The following CACNA1H variants were observed in gnomAD, a reference collection of about 807,000 sequenced individuals.
CACNA1H encodes the protein voltage-dependent T-type calcium channel subunit alpha-1H.
In CACNA1H, 149 loss-of-function variants were observed where a neutral mutation model predicts 192.5. The observed-to-expected ratio is 0.77, with a 90% CI of 0.68 to 0.89. The LOEUF is 0.89. Ranked by LOEUF, CACNA1H falls within the 40% of genes least tolerant of loss-of-function variation. The pLI, the probability that CACNA1H is intolerant of heterozygous loss-of-function variation, is 0.00. For missense variants in CACNA1H, 4,257 were observed against 3,423.5 expected, an observed-to-expected ratio of 1.24 and a Z score of -6.08; for synonymous variants, 2,202 against 1,475.2, an observed-to-expected ratio of 1.49 and a Z score of -11.29.
At chr16:1,170,039 A>G (rs1416795845) in intron 2 of CACNA1H, among the ~76,000 whole-genome samples, 1 of 152,206 alleles carries the variant, frequency 6.6e-6, no homozygotes, top group Non-Finnish European at 1.5e-5. Flanking sequence ...GGGAAGAGAC[A>G]GTGTGGGCTG....
At chr16:1,175,148 C>G (rs1964750664) in intron 2 of CACNA1H, among the ~76,000 whole-genome samples, 2 of 151,914 alleles carry the variant, frequency 1.3e-5, no homozygotes, top group Admixed American at 6.6e-5. Context: ...CACGTAATGC[C>G]CTACTGTGCG....
chr16:1,197,031 C>T (rs141375145), intron 5 of CACNA1H, among the ~76,000 whole-genome samples: 148 of 152,318 alleles, frequency 9.7e-4, no homozygotes, highest in African/African-American at 3.2e-3. Context: ...GCAGCAACCC[C>T]CCAAAGTCAC....
chr16:1,206,588 A>C (rs1020984805), intron 12 of CACNA1H: 3 of 474,328 alleles, frequency 6.3e-6, no homozygotes, highest in East Asian at 3.9e-5. Context: ...CCAGGCTCCA[A>C]CTGGGGTGTT....
Position 1,180,844 on chromosome 16 carries a change from C to T in CACNA1H, c.300-14128C>T, listed in dbSNP as rs985771175. Among the ~76,000 whole-genome samples the T allele has an allele frequency of 2.6e-5, 4 of 152,172 alleles. No individual in the cohort carries two copies. The highest frequency in any genetic ancestry group is 4.8e-5 in the African/African-American group (2 of 41,452). On this transcript the variant is annotated intron_variant, in intron 2 of 34. Coordinates refer to ENST00000348261, the MANE Select transcript of CACNA1H (RefSeq NM_021098.3). This position sits in a 1 kb window ranked among gnomAD's most constrained non-coding sequence, Gnocchi z 4.4. The stretch of plus-strand genomic sequence containing the variant: ...CACAGCCACCCCGCCCTGGACTCCC[C>T]GGGCCAGCACCCGACCTGGCCGCCA...
chr16:1,177,511 G>C (rs1232563320), intron 2 of CACNA1H, among the ~76,000 whole-genome samples: 1 of 152,212 alleles, frequency 6.6e-6, no homozygotes. Context: ...TTCTGACCGG[G>C]GCAGAGAGTG....
chr16:1,207,441 A>G lies in CACNA1H; in HGVS notation c.3063+11A>G, dbSNP rs969171423. 1.9e-5 allele frequency: 30 copies of G among 1,611,884 alleles called. No homozygotes were observed. Among genetic ancestry groups the G allele is most frequent in the Non-Finnish European group, 2.5e-5 (29 of 1,179,386 alleles). On this transcript the variant is annotated intron_variant, in intron 14 of 34. Coordinates refer to ENST00000348261, the MANE Select transcript of CACNA1H (RefSeq NM_021098.3). ...GGCTTCCAGGCGGAGGTGAGGGGGC[A>G]GGGAGAGGGGCTGCCAGGAGGAGGG...
At chr16:1,179,182 TGA>T (rs1290772480) in intron 2 of CACNA1H, among the ~76,000 whole-genome samples, 1 of 151,754 alleles carries the variant, frequency 6.6e-6, no homozygotes, top group African/African-American at 2.4e-5. Flanking sequence ...TCCCCAGGAG[TGA>T]GAGCTGTGCT....
In CACNA1H at chr16:1,213,882, T is replaced by C; in HGVS notation, c.4880T>C (p.Ile1627Thr). ...HYLDLFITFI[I>T]CVNVITMSME... is the part of the protein sequence containing the mutation. Reference sequence around the variant, plus strand: ...CTCGACCTCTTCATCACCTTCATCATCTGTGTCAACGTCATCACCATGTCC... The same window carrying C: ...CTCGACCTCTTCATCACCTTCATCACCTGTGTCAACGTCATCACCATGTCC... The change falls in exon 27 of 35, where the codon ATC becomes ACC. Residue 1627 changes from isoleucine to threonine, a missense_variant. Physicochemically the swap from Ile to Thr is moderately conservative, Grantham distance 89 (BLOSUM62 -1). Coordinates refer to ENST00000348261, the MANE Select transcript of CACNA1H (RefSeq NM_021098.3). The C allele has an allele frequency of 6.2e-7, 1 of 1,611,832 alleles. No homozygotes were observed. The highest frequency in any genetic ancestry group is 8.5e-7 in the Non-Finnish European group (1 of 1,179,344).
chr16:1,211,158 T>A lies in CACNA1H; in HGVS notation c.4224-10T>A. 1 of 1,611,944 alleles carries A rather than the reference T, an allele frequency of 6.2e-7. No homozygotes were observed. Among genetic ancestry groups the A allele is most frequent in the Non-Finnish European group, 8.5e-7 (1 of 1,179,370 alleles). On this transcript the variant is annotated splice_polypyrimidine_tract_variant and intron_variant, in intron 21 of 34. Coordinates refer to ENST00000348261, the MANE Select transcript of CACNA1H (RefSeq NM_021098.3). ...TAGATGACTGCAGTGTATCCTTCAC[T>A]CCCCTCCAGGGTCATCAGCCGGGCC...
At chr16:1,162,810 G>A (rs567586454) in intron 2 of CACNA1H, among the ~76,000 whole-genome samples, 10 of 152,318 alleles carry the variant, frequency 6.6e-5, no homozygotes, top group East Asian at 1.9e-4. Flanking sequence ...GGGCTGTGGC[G>A]TGAAGGCCGA....
chr16:1,201,228 G>C (rs1448849267), intron 8 of CACNA1H, among the ~76,000 whole-genome samples: 1 of 152,164 alleles, frequency 6.6e-6, no homozygotes, highest in Non-Finnish European at 1.5e-5. Context: ...GGACCTAGTA[G>C]GTAACAGAAG....
At chr16:1,217,585 G>A (rs970436936) in intron 31 of CACNA1H, among the ~76,000 whole-genome samples, 3 of 152,230 alleles carry the variant, frequency 2.0e-5, no homozygotes, top group Admixed American at 2.0e-4. Flanking sequence ...TCCAGTGTCT[G>A]TCCACCAGGT....
chr16:1,200,552 C>T lies in CACNA1H; in HGVS notation c.1100C>T (p.Ala367Val). 6.2e-7 allele frequency: 1 copy of T among 1,612,146 alleles called. No homozygotes were observed. Among genetic ancestry groups the T allele is most frequent in the Non-Finnish European group, 8.5e-7 (1 of 1,179,696 alleles). ...ATCAACTTCGACAACATCGGCTACG[C>T]CTGGATTGCCATCTTCCAGGTGGGC... ...GAINFDNIGY[A>V]WIAIFQVITL... is the part of the protein sequence containing the mutation. Residue 367 changes from alanine (A) to valine (V), a missense_variant, in exon 7 of 35, where the codon GCC becomes GTC. Coordinates refer to ENST00000348261, the MANE Select transcript of CACNA1H (RefSeq NM_021098.3).
rs1256243264 is a variant in CACNA1H at position 1,185,786 on chromosome 16, T to TAC, written c.300-9186_300-9185insAC. ...GCGTGCGTAGGGGCCGGAGGCGGGG[T>TAC]GTGTATGGGGCGGGTGAGTAGACGG... On this transcript the variant is annotated intron_variant, in intron 2 of 34. Coordinates refer to ENST00000348261, the MANE Select transcript of CACNA1H (RefSeq NM_021098.3). Among the ~76,000 whole-genome samples, 210 of 66,398 alleles carry TAC rather than the reference T, an allele frequency of 3.2e-3. 23 individuals carry two copies. Among genetic ancestry groups the TAC allele is most frequent in the Admixed American group, 4.8e-3 (26 of 5,384 alleles). The allele number at this position is 66,398 out of a possible 152,430, so 43.6% of individuals were successfully genotyped here.
chr16:1,194,865 G>A (rs976126478), intron 2 of CACNA1H, 107 bp from the exon 3 acceptor site: 8 of 798,452 alleles, frequency 1.0e-5, no homozygotes, highest in Non-Finnish European at 1.5e-5. Flanking sequence ...ACACCCCCAC[G>A]CGCGCACACC....
At position 1,221,567 on chromosome 16, in the gene CACNA1H, C is replaced by G. The variant is rs952954166; in HGVS notation, c.*573C>G. ...GTGACACCTCACTAAGGGGCCGACC[C>G]CATGGAGTAACGCGCCCGGCCCCGA... is the stretch of plus-strand genomic sequence containing the variant. On this transcript the variant is annotated 3_prime_UTR_variant, in exon 35 of 35. Transcript: ENST00000348261. The G allele has an allele frequency of 5.4e-6, 3 of 554,976 alleles. No homozygotes were observed. Among genetic ancestry groups the G allele is most frequent in the Non-Finnish European group, 9.5e-6 (3 of 317,270 alleles). 34.4% of individuals were successfully genotyped at this position (554,976 alleles called of 1,614,324 possible). A position where few individuals can be genotyped will look rare whatever the true frequency, so the allele number is the denominator to read the frequency against.
chr16:1,155,197 C>T (rs1383897472), intron 2 of CACNA1H, among the ~76,000 whole-genome samples: 1 of 152,232 alleles, frequency 6.6e-6, no homozygotes, highest in Non-Finnish European at 1.5e-5. Context: ...AGACTCATCT[C>T]TGCTTGTAGA....
chr16:1,213,235 C>T (rs890671478), intron 26 of CACNA1H, among the ~76,000 whole-genome samples: 5 of 152,210 alleles, frequency 3.3e-5, no homozygotes, highest in Non-Finnish European at 7.3e-5. Flanking sequence ...GTTACACTCT[C>T]GTCTCTGCTC....
chr16:1,177,953 A>C (rs1596332656), intron 2 of CACNA1H, among the ~76,000 whole-genome samples: 1 of 147,816 alleles, frequency 6.8e-6, no homozygotes, highest in African/African-American at 2.5e-5. Context: ...GGCTGCGGGC[A>C]CCGCCCTTTC....
Sources: allele counts gnomAD v4.1 joint callset (sites outside exome capture counted in the v4.1 genomes callset), GRCh38; gene constraint gnomAD v4.1.1; non-coding constraint Gnocchi (gnomAD v3.1); transcripts MANE v1.5; gene names NCBI Gene and HGNC (gene_info 2026-07-23, HGNC 2026-07-21).